The following STK32B variants were observed in gnomAD, a reference collection of about 807,000 sequenced individuals.
The protein encoded by STK32B is serine/threonine-protein kinase 32B.
In STK32B, 43 loss-of-function variants were observed where a neutral mutation model predicts 52.6. The ratio of observed to expected loss-of-function variants is 0.82; its 90% confidence interval spans 0.64 to 1.05. The LOEUF is 1.05. STK32B is among the 50% of genes least tolerant of loss of function. The pLI is 0.00. For missense variants in STK32B, 621 were observed against 534.6 expected, an observed-to-expected ratio of 1.16 and a Z score of -1.59; for synonymous variants, 238 against 204.3, an observed-to-expected ratio of 1.17 and a Z score of -1.41.
At position 5,456,799 on chromosome 4, in the gene STK32B, G is replaced by T. The variant is rs367686763; in HGVS notation, c.667-8G>T. 4 of 1,559,566 alleles carry T rather than the reference G, an allele frequency of 2.6e-6. No individual in the cohort carries two copies. The African/African-American group carries it at 5.4e-5, about 21-fold the overall frequency. Reference sequence around the variant, plus strand: ...TCTCTGATTCTGGCTGTTGTTCTTTGATTGCAGAGGCCGTACGAAATCCAC... The same window carrying T: ...TCTCTGATTCTGGCTGTTGTTCTTTTATTGCAGAGGCCGTACGAAATCCAC... On this transcript the variant is annotated splice_region_variant and splice_polypyrimidine_tract_variant and intron_variant, in intron 7 of 11. Transcript: ENST00000282908.
At chr4:5,198,754 C>G (rs1256935195) in intron 3 of STK32B, among the ~76,000 whole-genome samples, 2 of 152,146 alleles carry the variant, frequency 1.3e-5, no homozygotes, top group African/African-American at 2.4e-5. Context: ...GCACAAAGGT[C>G]TGGGAGCTTG....
chr4:5,214,765 A>T (rs1161454426), intron 3 of STK32B, among the ~76,000 whole-genome samples: 1 of 152,172 alleles, frequency 6.6e-6, no homozygotes, highest in Non-Finnish European at 1.5e-5. Context: ...GTATATACAG[A>T]TTTGAATTTT....
rs980506489 is a variant in STK32B, at chr4:5,460,035, C to T, written c.784-68C>T. On this transcript the variant is annotated intron_variant, in intron 8 of 11. Coordinates refer to ENST00000282908, the MANE Select transcript of STK32B (RefSeq NM_018401.3). The surrounding 1 kb of genome is among the most constrained non-coding windows in gnomAD (Gnocchi z 4.8). ...CACATTAATTGCCCTGAGACCCCCT[C>T]CTTCAGAGTCCCCGCTAACCTTGAG... 4 of 1,612,282 alleles carry T rather than the reference C, an allele frequency of 2.5e-6. No individual in the cohort carries two copies. Among genetic ancestry groups the T allele is most frequent in the Non-Finnish European group, 3.4e-6 (4 of 1,178,782 alleles).
chr4:5,159,579 A>ATATGATATATATG (rs1718194484), intron 2 of STK32B, among the ~76,000 whole-genome samples: 1 of 21,482 alleles, frequency 4.7e-5, no homozygotes, highest in Non-Finnish European at 7.7e-5. Flanking sequence ...ATATATGAAT[A>ATATGATATATATG]TATATATGAA....
At chr4:5,236,278 C>T (rs143845115) in intron 3 of STK32B, among the ~76,000 whole-genome samples, 1,818 of 152,306 alleles carry the variant, frequency 0.012, 38 homozygotes, top group African/African-American at 0.041. Context: ...TACGTAAAGA[C>T]CTACAATCAA....
At chr4:5,249,005 C>T (rs1054712537) in intron 3 of STK32B, among the ~76,000 whole-genome samples, 12 of 151,884 alleles carry the variant, frequency 7.9e-5, no homozygotes, top group South Asian at 2.1e-4. Context: ...TGCAGCACAC[C>T]GACATGGCAC....
At chr4:5,318,966 A>AT (rs746191386) in intron 3 of STK32B, among the ~76,000 whole-genome samples, 6 of 151,708 alleles carry the variant, frequency 4.0e-5, no homozygotes, top group Non-Finnish European at 5.9e-5. Context: ...TGCCCAGCTA[A>AT]TTTTTTTGTG....
intron 2 of STK32B, among the ~76,000 whole-genome samples, chr4:5,149,667 C>T (rs2108843800): frequency 6.6e-6 from 1 of 151,898 alleles, no homozygotes; most frequent in African/African-American, 2.4e-5. Flanking sequence ...AAATGTATTG[C>T]AGCTTCTTAA....
intron 1 of STK32B, among the ~76,000 whole-genome samples, chr4:5,070,362 C>G (rs1362703228): frequency 6.6e-6 from 1 of 152,042 alleles, no homozygotes; most frequent in African/African-American, 2.4e-5. Flanking sequence ...TGCTGTATTT[C>G]TTGGCAGCCC....
chr4:5,416,297 T>C (rs1192613755), intron 5 of STK32B, among the ~76,000 whole-genome samples: 1 of 152,176 alleles, frequency 6.6e-6, no homozygotes, highest in Non-Finnish European at 1.5e-5. Context: ...ACACCTACTT[T>C]GTAGGTGCAC....
At chr4:5,031,432 G>C in the STK32B span, among the ~76,000 whole-genome samples, 1 of 151,800 alleles carries the variant, frequency 6.6e-6, no homozygotes, top group Non-Finnish European at 1.5e-5. Context: ...CATCATCTCT[G>C]GTATAAAAAA....
At chr4:5,283,521 G>C (rs1728344679) in intron 3 of STK32B, among the ~76,000 whole-genome samples, 1 of 152,120 alleles carries the variant, frequency 6.6e-6, no homozygotes, top group East Asian at 1.9e-4. Context: ...TTAATCCAAA[G>C]AGGAATTCAC....
intron 3 of STK32B, among the ~76,000 whole-genome samples, chr4:5,285,163 A>C (rs1728467441): frequency 6.6e-6 from 1 of 152,178 alleles, no homozygotes; most frequent in South Asian, 2.1e-4. Context: ...ATTACATACA[A>C]AATATGTGTT....
intron 9 of STK32B, among the ~76,000 whole-genome samples, chr4:5,463,757 G>T (rs1410659066): frequency 6.6e-6 from 1 of 152,090 alleles, no homozygotes; most frequent in African/African-American, 2.4e-5. Context: ...CTGTCTCCTA[G>T]CTGGAACCTT....
chr4:5,432,292 A>G (rs1212210992), intron 6 of STK32B: 2 of 152,226 alleles, frequency 1.3e-5, no homozygotes, highest in East Asian at 1.9e-4. Flanking sequence ...GATCAACTAC[A>G]TGCTAATCCC....
intron 3 of STK32B, among the ~76,000 whole-genome samples, chr4:5,303,089 C>A (rs1342316776): frequency 6.6e-6 from 1 of 151,744 alleles, no homozygotes; most frequent in African/African-American, 2.4e-5. Flanking sequence ...GATTGATGGG[C>A]ATTTGGGCTG....
Position 5,056,413 on chromosome 4 carries a change from A to G in STK32B, c.52+4498A>G, listed in dbSNP as rs573753506. Among the ~76,000 whole-genome samples the G allele has an allele frequency of 4.6e-5, 7 of 152,332 alleles. No homozygotes were observed. In the South Asian group the frequency reaches 1.4e-3, roughly 32 times the overall value. On this transcript the variant is annotated intron_variant, in intron 1 of 11. Coordinates refer to ENST00000282908, the MANE Select transcript of STK32B (RefSeq NM_018401.3). ...CTTCTGTATCCTTAAGGCCTAAAAT[A>G]ACACCTGTAACATAATAGATGCCTG...
chr4:5,370,722 G>A lies in STK32B; in HGVS notation c.435-27485G>A, dbSNP rs538877677. Reference sequence around the variant, plus strand: ...AAAATTATTCTGACAGCCGGGCATAGTGGCTCATGCCTGTAATCCCAGCAC... The same window carrying A: ...AAAATTATTCTGACAGCCGGGCATAATGGCTCATGCCTGTAATCCCAGCAC... On this transcript the variant is annotated intron_variant, in intron 4 of 11. Coordinates refer to ENST00000282908, the MANE Select transcript of STK32B (RefSeq NM_018401.3). Among the ~76,000 whole-genome samples, 261 of 152,224 alleles carry A rather than the reference G, an allele frequency of 1.7e-3. 1 individual carries two copies. Among genetic ancestry groups the A allele is most frequent in the African/African-American group, 5.1e-3 (213 of 41,536 alleles).
chr4:5,344,489 A>G (rs1210735754), intron 4 of STK32B, among the ~76,000 whole-genome samples: 3 of 152,150 alleles, frequency 2.0e-5, no homozygotes, highest in Admixed American at 6.5e-5. Flanking sequence ...ACTTCATCAG[A>G]CTCACAGTCT....
Sources: allele counts gnomAD v4.1 joint callset (sites outside exome capture counted in the v4.1 genomes callset), GRCh38; gene constraint gnomAD v4.1.1; non-coding constraint Gnocchi (gnomAD v3.1); transcripts MANE v1.5; gene names NCBI Gene and HGNC (gene_info 2026-07-23, HGNC 2026-07-21).